Variants in MRTFA observed in about 807,000 individuals in gnomAD.
MRTFA encodes myocardin-related transcription factor A.
MRTFA carries 20 observed loss-of-function variants against 83.5 expected under a neutral mutation model. That is an observed-to-expected ratio of 0.24 (90% CI 0.17 to 0.35). The LOEUF is 0.35. Ranked by LOEUF, MRTFA falls within the 10% of genes least tolerant of loss-of-function variation. The pLI is 1.00. For missense variants in MRTFA, 1,200 were observed against 1,224.7 expected (o/e 0.98, Z 0.30); for synonymous variants, 659 against 541.2 (o/e 1.22, Z -3.02).
At chr22:40,499,914 CTTTTTTTTT>C (rs72041822) in intron 3 of MRTFA, among the ~76,000 whole-genome samples, 1 of 84,928 alleles carries the variant, frequency 1.2e-5, no homozygotes, top group Non-Finnish European at 2.1e-5. Flanking sequence ...TCAAGTAGAC[CTTTTTTTTT>C]TTTTTTTTTT....
chr22:40,555,422 G>A (rs1451356991), intron 2 of MRTFA, among the ~76,000 whole-genome samples: 3 of 151,986 alleles, frequency 2.0e-5, no homozygotes, highest in African/African-American at 7.3e-5. Flanking sequence ...TTGTTTAAAA[G>A]TGTGTGGCAC....
intron 3 of MRTFA, among the ~76,000 whole-genome samples, chr22:40,513,567 C>T (rs1289792807): frequency 6.8e-6 from 1 of 146,068 alleles, no homozygotes; most frequent in Non-Finnish European, 1.5e-5. Context: ...CACCATTGCA[C>T]TGCAGCCTGG....
rs138771861 is a variant in MRTFA at position 40,478,938 on chromosome 22, A to G, written c.242-15652T>C. On this transcript the variant is annotated intron_variant, in intron 3 of 14. Coordinates refer to ENST00000355630, the MANE Select transcript of MRTFA (RefSeq NM_020831.6). ...AAGGAGCCAGAAAGAGTTGTCCAAC[A>G]CCCCCTAACAGCAGTTAGCATTACC... Among the ~76,000 whole-genome samples the G allele has an allele frequency of 1.2e-3, 177 of 152,068 alleles. 1 individual carries two copies. The highest frequency in any genetic ancestry group is 2.3e-3 in the Admixed American group (35 of 15,254).
intron 1 of MRTFA, among the ~76,000 whole-genome samples, chr22:40,633,981 T>C (rs866066197): frequency 4.6e-5 from 7 of 152,194 alleles, no homozygotes; most frequent in Admixed American, 6.5e-5. Context: ...CCTATTTCCC[T>C]ATCCTAAAGC....
At chr22:40,502,332 T>C (rs2054504173) in intron 3 of MRTFA, among the ~76,000 whole-genome samples, 1 of 112,986 alleles carries the variant, frequency 8.9e-6, no homozygotes, top group South Asian at 3.3e-4. Context: ...GAGGGTCTCC[T>C]CACTTCTCAG....
intron 3 of MRTFA, among the ~76,000 whole-genome samples, chr22:40,486,174 C>A (rs1381879106): frequency 6.6e-6 from 1 of 152,190 alleles, no homozygotes; most frequent in Non-Finnish European, 1.5e-5. Context: ...CATCCCCACA[C>A]TTGTTAGGCT....
intron 7 of MRTFA, 68 bp from the exon 8 acceptor site, chr22:40,424,449 G>T: frequency 6.5e-7 from 1 of 1,528,118 alleles, no homozygotes; most frequent in Non-Finnish European, 8.9e-7. Context: ...GACAGGCCTG[G>T]CTCGCAGGCC....
intron 2 of MRTFA, among the ~76,000 whole-genome samples, chr22:40,584,361 G>A (rs978263094): frequency 5.9e-5 from 9 of 152,194 alleles, no homozygotes; most frequent in Admixed American, 3.9e-4. Context: ...TACAACCATA[G>A]TGCCTTTTCC....
At chr22:40,460,428 G>A (rs1458765186) in intron 4 of MRTFA, among the ~76,000 whole-genome samples, 1 of 152,180 alleles carries the variant, frequency 6.6e-6, no homozygotes, top group Non-Finnish European at 1.5e-5. Flanking sequence ...CTCAGAATTA[G>A]TGCTGTAATT....
chr22:40,581,324 G>T (rs989011447), intron 2 of MRTFA, among the ~76,000 whole-genome samples: 3 of 152,026 alleles, frequency 2.0e-5, no homozygotes, highest in Non-Finnish European at 4.4e-5. Context: ...TGCATAAATG[G>T]AAGGTTCACC....
At chr22:40,602,001 G>A (rs939012726) in intron 1 of MRTFA, among the ~76,000 whole-genome samples, 2 of 152,112 alleles carry the variant, frequency 1.3e-5, no homozygotes, top group Admixed American at 6.5e-5. Context: ...GAGGAACATC[G>A]ATGTAACATA....
chr22:40,615,084 T>C (rs2056433619), intron 1 of MRTFA, among the ~76,000 whole-genome samples: 2 of 152,184 alleles, frequency 1.3e-5, no homozygotes, highest in African/African-American at 2.4e-5. Flanking sequence ...GTCTCAAAGA[T>C]TTAGTCCCAT....
At chr22:40,529,975 G>A (rs1391047660) in intron 3 of MRTFA, among the ~76,000 whole-genome samples, 3 of 152,132 alleles carry the variant, frequency 2.0e-5, no homozygotes, top group Non-Finnish European at 4.4e-5. Context: ...ACATGCACAA[G>A]ACAGAGAGAG....
At chr22:40,413,754 A>G (rs1009830468) in intron 14 of MRTFA, among the ~76,000 whole-genome samples, 3 of 152,186 alleles carry the variant, frequency 2.0e-5, no homozygotes, top group African/African-American at 4.8e-5. Flanking sequence ...ATTTATCACA[A>G]TTTTTAAAAA....
intron 4 of MRTFA, among the ~76,000 whole-genome samples, chr22:40,442,556 T>C (rs1481818634): frequency 6.8e-5 from 3 of 44,272 alleles, no homozygotes; most frequent in East Asian, 5.8e-4. Flanking sequence ...CATCCATCCA[T>C]GTATCCAATA....
At position 40,420,465 on chromosome 22, in the gene MRTFA, C is replaced by G; in HGVS notation, c.1293G>C (p.Gln431His). The G allele has an allele frequency of 6.2e-7, 1 of 1,613,784 alleles. No individual in the cohort carries two copies. The change falls in exon 11 of 15, where the codon CAG becomes CAC. Residue 431 changes from glutamine to histidine, a missense_variant. Gln to His is a conservative substitution (Grantham distance 24, BLOSUM62 0). Transcript: ENST00000355630. ...GCTTGCCAGTCAGTGAGGTGCTGTTCTGACGTGCCAGCCCACAGGGCCCAG... is the reference window on the plus strand; with the variant it reads ...GCTTGCCAGTCAGTGAGGTGCTGTTGTGACGTGCCAGCCCACAGGGCCCAG...
chr22:40,429,749 G>C lies in MRTFA; in HGVS notation c.458C>G (p.Ser153Cys). 3 of 1,613,278 alleles carry C rather than the reference G, an allele frequency of 1.9e-6. No individual in the cohort carries two copies. Among genetic ancestry groups the C allele is most frequent in the Non-Finnish European group, 1.7e-6 (2 of 1,179,668 alleles). ...CAGCTTCAGCTGCTTGGCCTGGAGG[G>C]ATGGCTCAGCCGAGGTCTCTGCCCA... Residue 153 changes from serine (S) to cysteine (C), a missense_variant, in exon 7 of 15, where the codon TCC (serine) becomes TGC (cysteine). Coordinates refer to ENST00000355630, the MANE Select transcript of MRTFA (RefSeq NM_020831.6).
chr22:40,439,055 G>A (rs1482013686), intron 4 of MRTFA, among the ~76,000 whole-genome samples: 1 of 152,130 alleles, frequency 6.6e-6, no homozygotes, highest in Non-Finnish European at 1.5e-5. Flanking sequence ...GATAAGGACA[G>A]GGCCAAAAAG....
intron 2 of MRTFA, chr22:40,587,823 G>A (rs184571099): frequency 4.0e-5 from 14 of 347,988 alleles, no homozygotes; most frequent in Admixed American, 7.2e-5. Flanking sequence ...CTGGTCTGAC[G>A]ACCTGCTAAT....
Sources: gnomAD v4.1 joint callset for allele counts (sites outside exome capture counted in the v4.1 genomes callset) on GRCh38, gnomAD v4.1.1 for gene constraint, MANE v1.5 for transcripts, NCBI Gene and HGNC (gene_info 2026-07-23, HGNC 2026-07-21) for gene names.